Variants in USP24 observed in about 807,000 individuals in gnomAD.
The protein encoded by USP24 is ubiquitin carboxyl-terminal hydrolase 24.
Under a neutral mutation model 361.6 loss-of-function variants are expected in USP24, and 97 were observed. That is an observed-to-expected ratio of 0.27 (90% CI 0.23 to 0.32). The LOEUF (loss-of-function observed/expected upper bound fraction) is 0.32, where lower values mean the gene tolerates loss of function less well. Ranked by LOEUF, USP24 falls within the 10% of genes least tolerant of loss-of-function variation. USP24 has a pLI of 1.00. For missense variants in USP24, 2,353 were observed against 3,165.6 expected (o/e 0.74, Z 6.16); for synonymous variants, 1,098 against 1,124.6 (o/e 0.98, Z 0.47).
Position 55,106,748 on chromosome 1 carries a change from T to C in USP24, c.4763-485A>G, listed in dbSNP as rs144895821. Among the ~76,000 whole-genome samples, 75 of 152,330 alleles carry C rather than the reference T, an allele frequency of 4.9e-4. 1 individual carries two copies. Among genetic ancestry groups the C allele is most frequent in the African/African-American group, 1.7e-3 (71 of 41,572 alleles). ...ATTTTGTAAAGCTTGGTTTGTGTTA[T>C]AAAAGAGAGAGTTAATTTTTCATTT... is the stretch of plus-strand genomic sequence containing the variant. On this transcript the variant is annotated intron_variant, in intron 40 of 67. Coordinates refer to ENST00000294383, the MANE Select transcript of USP24 (RefSeq NM_015306.3).
Position 55,077,149 on chromosome 1 carries a change from TAA to T in USP24, c.7380+84_7380+85del, listed in dbSNP as rs1557527569. On this transcript the variant is annotated intron_variant, in intron 62 of 67. Transcript: ENST00000294383. ...GCAGACCAAATGAATGGAGAAATAA[TAA>T]AAAGACATATAATTTTTTATTTATA... 9.9e-6 allele frequency: 12 copies of T among 1,214,724 alleles called. No homozygotes were observed. The South Asian group carries it at 1.4e-4, about 15-fold the overall frequency. 75.2% of individuals were successfully genotyped at this position (1,214,724 alleles called of 1,614,324 possible).
intron 58 of USP24, among the ~76,000 whole-genome samples, chr1:55,081,974 G>A (rs1645157496): frequency 6.6e-6 from 1 of 152,198 alleles, no homozygotes; most frequent in Non-Finnish European, 1.5e-5. Context: ...GTGACAATGG[G>A]GCCTTGGATA....
chr1:55,201,729 C>T (rs141265927), intron 1 of USP24, among the ~76,000 whole-genome samples: 4 of 150,294 alleles, frequency 2.7e-5, no homozygotes, highest in African/African-American at 7.4e-5. Context: ...CAAGAAGGGA[C>T]GTTTAACTAG....
At chr1:55,169,285 G>C (rs960540677) in intron 5 of USP24, among the ~76,000 whole-genome samples, 1 of 152,034 alleles carries the variant, frequency 6.6e-6, no homozygotes, top group African/African-American at 2.4e-5. Context: ...GCAACACAAG[G>C]AGACAAAAAA....
intron 62 of USP24, 115 bp downstream of exon 62, chr1:55,077,116 CAATA>C: frequency 1.0e-6 from 1 of 994,068 alleles, no homozygotes; most frequent in Non-Finnish European, 1.4e-6. Context: ...GATTTGGTCT[CAATA>C]AATGCAGACC....
chr1:55,124,296 T>C (rs929651477), intron 35 of USP24, among the ~76,000 whole-genome samples, 173 bp downstream of exon 35: 3 of 152,224 alleles, frequency 2.0e-5, no homozygotes, highest in Non-Finnish European at 4.4e-5. Flanking sequence ...ATGACATACA[T>C]ATAGGAACAT....
Position 55,100,931 on chromosome 1 carries a change from G to C in USP24, c.5179C>G (p.Pro1727Ala). The change falls in exon 44 of 68, where the codon CCA becomes GCA. Residue 1727 changes from proline to alanine, a missense_variant. Transcript: ENST00000294383. ...LLSVDDDTDN[P>A]DDSVFYQVQS... ...ACTTGGTAAAACACGCTATCATCTGGATTGTCTGTGTCATCATCCACTGAA... is the reference window on the plus strand; with the variant it reads ...ACTTGGTAAAACACGCTATCATCTGCATTGTCTGTGTCATCATCCACTGAA... The C allele has an allele frequency of 6.2e-7, 1 of 1,613,186 alleles. No individual in the cohort carries two copies. The highest frequency in any genetic ancestry group is 1.1e-5 in the South Asian group (1 of 90,852).
At chr1:55,140,752 T>C (rs1390186607) in intron 24 of USP24, among the ~76,000 whole-genome samples, 1 of 152,154 alleles carries the variant, frequency 6.6e-6, no homozygotes, top group East Asian at 1.9e-4. Context: ...GGAGAGCAAG[T>C]CCTTCTCAGA....
At chr1:55,203,234 A>G (rs1465171311) in intron 1 of USP24, among the ~76,000 whole-genome samples, 1 of 152,218 alleles carries the variant, frequency 6.6e-6, no homozygotes, top group African/African-American at 2.4e-5. Flanking sequence ...TTAAATAGAG[A>G]AAGTTTATGA....
In USP24 at chr1:55,139,058, A is replaced by T; in HGVS notation, c.2751-48T>A. On this transcript the variant is annotated intron_variant, in intron 24 of 67. Transcript: ENST00000294383. The stretch of plus-strand genomic sequence containing the variant: ...ATTAAAATGTATTTGAAGTGTGATG[A>T]TCTGAGCTCAGTTCTAGTCTGTTTC... 4 of 1,499,148 alleles carry T rather than the reference A, an allele frequency of 2.7e-6. No individual in the cohort carries two copies. The South Asian group carries it at 4.8e-5, about 18-fold the overall frequency. 92.9% of individuals were successfully genotyped at this position (1,499,148 alleles called of 1,614,324 possible).
At position 55,132,562 on chromosome 1, in the gene USP24, C is replaced by A; in HGVS notation, c.3520G>T (p.Val1174Leu). Residue 1174 changes from valine to leucine, a missense_variant, in exon 31 of 68, where the codon GTG becomes TTG. Val to Leu is a conservative substitution (Grantham distance 32). Around this residue, in one of 8 missense-constraint regions of USP24, gnomAD observed 949 missense variants for 1,280.5 expected, o/e 0.74. Coordinates refer to ENST00000294383, the MANE Select transcript of USP24 (RefSeq NM_015306.3). The part of the protein sequence containing the change: ...SFAPGMSTFR[V>L]LYNLEVLSSK... ...TTTCTTACTTCTAAGTTGTAGAGCA[C>A]TCTGAAGGTAGACATTCCCGGGGCA... is the stretch of plus-strand genomic sequence containing the variant. The A allele has an allele frequency of 6.2e-7, 1 of 1,613,450 alleles. No individual in the cohort carries two copies. The highest frequency in any genetic ancestry group is 8.5e-7 in the Non-Finnish European group (1 of 1,179,526).
At chr1:55,083,227 T>C in intron 58 of USP24, 45 bp downstream of exon 58, 6 of 1,584,148 alleles carry the variant, frequency 3.8e-6, no homozygotes, top group South Asian at 1.1e-5. Flanking sequence ...ACAGCGGCTA[T>C]GAAAACCATA....
At chr1:55,196,403 T>TC (rs1471877025) in intron 1 of USP24, among the ~76,000 whole-genome samples, 1 of 152,116 alleles carries the variant, frequency 6.6e-6, no homozygotes, top group East Asian at 1.9e-4. Flanking sequence ...AACCATCCTA[T>TC]CCCCCACGAA....
chr1:55,101,990 T>C (rs1487154139), intron 42 of USP24, among the ~76,000 whole-genome samples: 2 of 152,200 alleles, frequency 1.3e-5, no homozygotes, highest in African/African-American at 4.8e-5. Flanking sequence ...CAAATATTGA[T>C]TAAATACCCT....
Position 55,120,586 on chromosome 1 carries a change from T to C in USP24, c.4508+10A>G. ...TGTATAAGGTTAGCTTTTCCATTTT[T>C]ATTACCTACCTCTGATTGACTCCTC... On this transcript the variant is annotated intron_variant, in intron 38 of 67. Transcript: ENST00000294383. 6.5e-7 allele frequency: 1 copy of C among 1,539,344 alleles called. No homozygotes were observed. Among genetic ancestry groups the C allele is most frequent in the Non-Finnish European group, 8.8e-7 (1 of 1,142,424 alleles).
At chr1:55,213,864 C>T (rs939992176) in intron 1 of USP24, among the ~76,000 whole-genome samples, 3 of 152,094 alleles carry the variant, frequency 2.0e-5, no homozygotes, top group Admixed American at 1.3e-4. Context: ...CCATTAGCCT[C>T]AAGACTCCTC....
At chr1:55,157,959 T>G (rs1165234) in intron 10 of USP24, among the ~76,000 whole-genome samples, 103,071 of 152,048 alleles carry the variant, frequency 0.68, 38,492 homozygotes, top group East Asian at 0.91. Flanking sequence ...AAATTTTATA[T>G]GTGGAAAGTA....
chr1:55,131,883 C>T (rs942374355), intron 31 of USP24, among the ~76,000 whole-genome samples: 3 of 152,086 alleles, frequency 2.0e-5, no homozygotes, highest in African/African-American at 7.2e-5. Flanking sequence ...TTCTTCAGAC[C>T]AAGAGTGGTA....
chr1:55,082,266 T>G (rs921211129), intron 58 of USP24, among the ~76,000 whole-genome samples: 1 of 152,194 alleles, frequency 6.6e-6, no homozygotes, highest in Non-Finnish European at 1.5e-5. Flanking sequence ...ACTTAACATC[T>G]CTGAGCTTTA....
Sources: allele counts gnomAD v4.1 joint callset (sites outside exome capture counted in the v4.1 genomes callset), GRCh38; gene constraint gnomAD v4.1.1; regional missense constraint gnomAD v4.1.1; transcripts MANE v1.5; gene names NCBI Gene and HGNC (gene_info 2026-07-23, HGNC 2026-07-21).